KIFC3: variants seen among roughly 807,000 people sequenced by gnomAD.
KIFC3 encodes the protein kinesin-like protein KIFC3.
Under a neutral mutation model 101.8 loss-of-function variants are expected in KIFC3, and 60 were observed. The ratio of observed to expected loss-of-function variants is 0.59; its 90% CI spans 0.48 to 0.73. The LOEUF (loss-of-function observed/expected upper bound fraction) is 0.73, where lower values mean the gene tolerates loss of function less well. Among genes scored for constraint, KIFC3 ranks in the 30% least tolerant of loss-of-function variants. KIFC3 has a pLI of 0.00. For missense variants in KIFC3, 966 were observed against 1,137.1 expected (o/e 0.85, Z 2.16); for synonymous variants, 476 against 482.7 (o/e 0.99, Z 0.18).
At chr16:57,790,080 T>TTCTTTC (rs1386027090) in intron 3 of KIFC3, among the ~76,000 whole-genome samples, 4 of 134,554 alleles carry the variant, frequency 3.0e-5, no homozygotes, top group Non-Finnish European at 6.5e-5. Flanking sequence ...CTTTCTTTCT[T>TTCTTTC]TTTTTTTTTT....
At chr16:57,802,738 C>A, upstream of KIFC3, 1 of 783,578 alleles carries the variant, frequency 1.3e-6, no homozygotes. This position sits in a 1 kb window ranked among gnomAD's most constrained non-coding sequence, Gnocchi z 5.0. Context: ...GGCACACGTG[C>A]TCATGCGTTC....
chr16:57,819,440 G>A (rs139448091), intron 1 of KIFC3, among the ~76,000 whole-genome samples: 16 of 152,308 alleles, frequency 1.1e-4, no homozygotes, highest in South Asian at 2.1e-4. Context: ...ATTGGACTCC[G>A]AGATATCTCC....
chr16:57,862,014 A>C (rs914136682), intron 1 of KIFC3, among the ~76,000 whole-genome samples: 6 of 152,116 alleles, frequency 3.9e-5, no homozygotes, highest in African/African-American at 1.4e-4. Context: ...GAAGGAGTGG[A>C]AGTACTGGCT....
chr16:57,843,514 C>T (rs193222993), intron 1 of KIFC3, among the ~76,000 whole-genome samples: 89 of 152,238 alleles, frequency 5.8e-4, no homozygotes, highest in Non-Finnish European at 6.8e-4. Flanking sequence ...GCCCTGGCTG[C>T]ATAGACACTC....
At chr16:57,767,312 T>C (rs2050605692) in intron 9 of KIFC3, among the ~76,000 whole-genome samples, 3 of 152,164 alleles carry the variant, frequency 2.0e-5, no homozygotes, top group Admixed American at 6.5e-5. Flanking sequence ...ACTCTGCCCC[T>C]GAGTAGCTGG....
At position 57,798,500 on chromosome 16, in the gene KIFC3, C is replaced by T. The variant is rs114948202; in HGVS notation, c.-39-218G>A. 3,483 of 588,638 alleles carry T rather than the reference C, an allele frequency of 5.9e-3. 113 individuals are homozygous for T. The African/African-American group carries it at 0.061, about 10-fold the overall frequency. 36.5% of individuals were successfully genotyped at this position (588,638 alleles called of 1,614,324 possible). Reference sequence around the variant, plus strand: ...TATTTGTTTCCGAATACGGAGGCTCCGAAGTGCGAAAGTTGCATATCAGCT... The same window carrying T: ...TATTTGTTTCCGAATACGGAGGCTCTGAAGTGCGAAAGTTGCATATCAGCT... On this transcript the variant is annotated intron_variant, in intron 1 of 19. Coordinates refer to ENST00000445690, the MANE Select transcript of KIFC3 (RefSeq NM_001130100.2).
At position 57,758,637 on chromosome 16, in the gene KIFC3, G is replaced by A. The variant is rs946834748; in HGVS notation, c.*297C>T. 9 of 698,976 alleles carry A rather than the reference G, an allele frequency of 1.3e-5. No homozygotes were observed. The highest frequency in any genetic ancestry group is 5.4e-5 in the East Asian group (2 of 37,066). The allele number at this position is 698,976 out of a possible 1,614,324, so 43.3% of individuals were successfully genotyped here. Reference sequence around the variant, plus strand: ...TCCTCCACACTCCCGCCCTCCTCACGGGGCCCAGTTCGCTGATGGCCCAGG... The same window carrying A: ...TCCTCCACACTCCCGCCCTCCTCACAGGGCCCAGTTCGCTGATGGCCCAGG... On this transcript the variant is annotated 3_prime_UTR_variant, in exon 20 of 20. Coordinates refer to ENST00000445690, the MANE Select transcript of KIFC3 (RefSeq NM_001130100.2).
intron 2 of KIFC3, chr16:57,797,806 C>T: frequency 2.2e-6 from 3 of 1,374,914 alleles, no homozygotes; most frequent in Non-Finnish European, 2.8e-6. Context: ...GGGAATGCAG[C>T]TGATTCCCCC....
chr16:57,789,287 G>A (rs974413512), intron 3 of KIFC3, among the ~76,000 whole-genome samples: 10 of 152,348 alleles, frequency 6.6e-5, no homozygotes, highest in South Asian at 2.1e-4. Context: ...ATGGGAAGCC[G>A]TCTCCTCTTC....
chr16:57,842,517 T>A (rs1188081232), intron 1 of KIFC3, among the ~76,000 whole-genome samples: 1 of 152,164 alleles, frequency 6.6e-6, no homozygotes, highest in African/African-American at 2.4e-5. Flanking sequence ...TTATCAACAA[T>A]GAGAACAACA....
intron 3 of KIFC3, chr16:57,775,529 G>A (rs2051933105): frequency 2.0e-6 from 2 of 986,800 alleles, no homozygotes; most frequent in South Asian, 4.7e-5. Flanking sequence ...GAGAAACGGA[G>A]GCACCTGGGG....
Position 57,783,453 on chromosome 16 carries a change from AC to A in KIFC3, c.316-11166del, listed in dbSNP as rs767798193. Among the ~76,000 whole-genome samples the A allele has an allele frequency of 1.8e-3, 261 of 147,042 alleles. 1 individual carries two copies. The highest frequency in any genetic ancestry group is 2.8e-3 in the Non-Finnish European group (188 of 67,344). ...TTTATGGCATGTGAATTATATCTCC[AC>A]AAAGCCCATTTTCTTTTCTTTTTTT... is the stretch of plus-strand genomic sequence containing the variant. On this transcript the variant is annotated intron_variant, in intron 3 of 19. Transcript: ENST00000445690.
intron 3 of KIFC3, among the ~76,000 whole-genome samples, chr16:57,785,900 G>A (rs1382993407): frequency 4.6e-5 from 7 of 152,042 alleles, no homozygotes; most frequent in South Asian, 2.1e-4. Flanking sequence ...ACCTGGATCC[G>A]GACTTAAGAA....
At chr16:57,816,054 T>A (rs1419979359) in intron 1 of KIFC3, among the ~76,000 whole-genome samples, 2 of 152,214 alleles carry the variant, frequency 1.3e-5, no homozygotes, top group Non-Finnish European at 2.9e-5. Flanking sequence ...TTGGTCCTGA[T>A]GTTAGTGAGT....
At chr16:57,827,510 C>T (rs1407565602) in intron 1 of KIFC3, among the ~76,000 whole-genome samples, 2 of 152,208 alleles carry the variant, frequency 1.3e-5, no homozygotes, top group African/African-American at 4.8e-5. Flanking sequence ...CATCCCTTCC[C>T]TTCTCCTGCC....
chr16:57,817,230 G>A (rs1555629039), intron 1 of KIFC3, among the ~76,000 whole-genome samples: 1 of 152,004 alleles, frequency 6.6e-6, no homozygotes, highest in Non-Finnish European at 1.5e-5. Context: ...ATGGTGGTAG[G>A]AGCCTGTAGT....
intron 1 of KIFC3, among the ~76,000 whole-genome samples, chr16:57,847,684 C>G (rs528565229): frequency 6.6e-6 from 1 of 151,708 alleles, no homozygotes; most frequent in South Asian, 2.1e-4. Context: ...CGTAAGAGAA[C>G]ATTGAGACTT....
At chr16:57,825,740 T>C (rs2055445339) in intron 1 of KIFC3, among the ~76,000 whole-genome samples, 1 of 152,224 alleles carries the variant, frequency 6.6e-6, no homozygotes, top group South Asian at 2.1e-4. Context: ...TGCAGTGACA[T>C]GATCTCAGCT....
intron 3 of KIFC3, chr16:57,776,358 A>G (rs1229802962): frequency 1.0e-6 from 1 of 984,976 alleles, no homozygotes; most frequent in Non-Finnish European, 1.2e-6. Context: ...TCCCCTGTCC[A>G]CGCCACCCTG....
Sources: allele counts gnomAD v4.1 joint callset (sites outside exome capture counted in the v4.1 genomes callset), GRCh38; gene constraint gnomAD v4.1.1; non-coding constraint Gnocchi (gnomAD v3.1); transcripts MANE v1.5; gene names NCBI Gene and HGNC (gene_info 2026-07-23, HGNC 2026-07-21).